Variants in KLF15 observed in about 807,000 individuals in gnomAD.
The protein encoded by KLF15 is Krueppel-like factor 15.
Under a neutral mutation model 24.6 loss-of-function variants are expected in KLF15, and 4 were observed. The observed-to-expected ratio is 0.16, with a 90% CI of 0.08 to 0.37. The LOEUF (loss-of-function observed/expected upper bound fraction) is 0.37, where lower values mean the gene tolerates loss of function less well. KLF15 is among the 10% of genes least tolerant of loss of function. The probability of loss-of-function intolerance (pLI) is 1.00; values close to 1 mark genes in which losing one functional copy is unlikely to be tolerated. For synonymous variants in KLF15, 246 were observed against 236.3 expected, an observed-to-expected ratio of 1.04 and a Z score of -0.37; for missense variants, 496 against 560.6, an observed-to-expected ratio of 0.88 and a Z score of 1.16.
the KLF15 span, among the ~76,000 whole-genome samples, chr3:126,324,806 C>CTTTTTTTTTTTTTTT: frequency 1.7e-4 from 10 of 59,578 alleles, no homozygotes; most frequent in African/African-American, 2.9e-4. Flanking sequence ...TTTTTTCGCT[C>CTTTTTTTTTTTTTTT]TTTTTTTTTT....
the KLF15 span, among the ~76,000 whole-genome samples, chr3:126,298,394 T>C: frequency 6.7e-6 from 1 of 150,272 alleles, no homozygotes; most frequent in Non-Finnish European, 1.5e-5. Context: ...TTTCTCCCAC[T>C]TTGCGGGTTG....
the KLF15 span, among the ~76,000 whole-genome samples, chr3:126,321,168 G>A: frequency 6.6e-6 from 1 of 152,164 alleles, no homozygotes; most frequent in African/African-American, 2.4e-5. Context: ...CCAGTTTGAT[G>A]TCTTCTGCAG....
At chr3:126,289,976 G>A in the KLF15 span, among the ~76,000 whole-genome samples, 2 of 152,208 alleles carry the variant, frequency 1.3e-5, no homozygotes, top group Admixed American at 1.3e-4. Context: ...AAGAAAAGGA[G>A]CATGTAGGGG....
At chr3:126,294,142 G>A in the KLF15 span, 4,624 of 152,270 alleles carry the variant, frequency 0.03, 223 homozygotes, top group African/African-American at 0.1. Flanking sequence ...TGGAAATTCC[G>A]TGGCAATGCC....
At chr3:126,355,036 G>A (rs565891009) in intron 1 of KLF15, among the ~76,000 whole-genome samples, 1 of 152,364 alleles carries the variant, frequency 6.6e-6, no homozygotes, top group East Asian at 1.9e-4. Context: ...TGCAGGCACG[G>A]CAAACGTTCG....
the KLF15 span, among the ~76,000 whole-genome samples, chr3:126,316,469 T>TGGGGAAGGGAGTCAAAGGGCCGGATG: frequency 7.5e-6 from 1 of 133,594 alleles, no homozygotes; most frequent in South Asian, 2.5e-4. Flanking sequence ...TGGGCCGGAG[T>TGGGGAAGGGAGTCAAAGGGCCGGATG]GGGGAAGGGA....
At chr3:126,301,261 A>G in the KLF15 span, among the ~76,000 whole-genome samples, 4 of 67,476 alleles carry the variant, frequency 5.9e-5, no homozygotes, top group African/African-American at 1.5e-4. Context: ...AGAGCAAAGC[A>G]GAACATCACG....
intron 2 of KLF15, among the ~76,000 whole-genome samples, chr3:126,346,960 C>T (rs1439278337): frequency 1.3e-5 from 2 of 152,188 alleles, no homozygotes; most frequent in Non-Finnish European, 2.9e-5. Context: ...TTGTACAAGG[C>T]AACCAGTAAC....
the KLF15 span, among the ~76,000 whole-genome samples, chr3:126,327,773 C>A: frequency 3.9e-5 from 6 of 152,138 alleles, no homozygotes; most frequent in African/African-American, 1.4e-4. Flanking sequence ...AATGAAAGAG[C>A]TAGTTTCTGG....
At chr3:126,323,884 G>C in the KLF15 span, among the ~76,000 whole-genome samples, 1 of 151,762 alleles carries the variant, frequency 6.6e-6, no homozygotes, top group Admixed American at 6.6e-5. Flanking sequence ...CCATGTTCCT[G>C]CAAAGGACAT....
chr3:126,350,361 G>T (rs2082573039), intron 2 of KLF15, among the ~76,000 whole-genome samples: 1 of 152,220 alleles, frequency 6.6e-6, no homozygotes, highest in African/African-American at 2.4e-5. Context: ...TCTCACAGAA[G>T]CCTCTCCGGT....
the KLF15 span, among the ~76,000 whole-genome samples, chr3:126,310,379 C>T: frequency 7.1e-4 from 108 of 152,324 alleles, no homozygotes; most frequent in African/African-American, 2.6e-3. Context: ...TTCACTCCTG[C>T]TACCGAATGA....
At chr3:126,298,599 C>T in the KLF15 span, among the ~76,000 whole-genome samples, 22 of 152,140 alleles carry the variant, frequency 1.4e-4, no homozygotes, top group South Asian at 4.2e-4. Context: ...TTTATGGTTT[C>T]GGTTCTTAGA....
chr3:126,352,973 TG>T lies in KLF15; in HGVS notation c.-25-27del, dbSNP rs774250857. The T allele has an allele frequency of 3.2e-5, 50 of 1,555,120 alleles. 2 individuals carry two copies. In the South Asian group the frequency reaches 4.7e-4, roughly 15 times the overall value. On this transcript the variant is annotated intron_variant, in intron 1 of 2. Coordinates refer to ENST00000296233, the MANE Select transcript of KLF15 (RefSeq NM_014079.4). The stretch of plus-strand genomic sequence containing the variant: ...CTGCAGGAAAGGAACACAGGAGGCC[TG>T]GTCAGAAGGACAGTGCTCACCTGCC...
rs1300815280 is a variant in KLF15 at position 126,351,818 on chromosome 3, GGCCTGTCACTC to G, written c.1082+12_1082+22del. On this transcript the variant is annotated intron_variant, in intron 2 of 2. Coordinates refer to ENST00000296233, the MANE Select transcript of KLF15 (RefSeq NM_014079.4). Reference sequence around the variant, plus strand: ...CATGAGTGGCTGTGCTCACTGCCCAGGCCTGTCACTCGCTATACTGACCTCCAGCCGCAGCC... The same window carrying G: ...CATGAGTGGCTGTGCTCACTGCCCAGGCTATACTGACCTCCAGCCGCAGCC... 1.9e-6 allele frequency: 3 copies of G among 1,598,720 alleles called. No individual in the cohort carries two copies. Among genetic ancestry groups the G allele is most frequent in the Admixed American group, 1.7e-5 (1 of 57,936 alleles).
In KLF15 at chr3:126,356,705, G is replaced by C. The variant is rs2107561042; in HGVS notation, c.-26+532C>G. The stretch of plus-strand genomic sequence containing the variant: ...AGCCGCCGTGGGTGCCGGCGGGTGA[G>C]GGGAAACGTGCGTGGGAAATGAAGA... On this transcript the variant is annotated intron_variant, in intron 1 of 2. Transcript: ENST00000296233. The surrounding 1 kb of genome is among the most constrained non-coding windows in gnomAD (Gnocchi z 4.4). Among the ~76,000 whole-genome samples, 1 of 152,224 alleles carries C rather than the reference G, an allele frequency of 6.6e-6. No individual in the cohort carries two copies. Among genetic ancestry groups the C allele is most frequent in the African/African-American group, 2.4e-5 (1 of 41,564 alleles).
At position 126,356,687 on chromosome 3, in the gene KLF15, G is replaced by A. The variant is rs2082634803; in HGVS notation, c.-26+550C>T. Among the ~76,000 whole-genome samples the A allele has an allele frequency of 6.6e-6, 1 of 152,112 alleles. No individual in the cohort carries two copies. The highest frequency in any genetic ancestry group is 6.5e-5 in the Admixed American group (1 of 15,288). On this transcript the variant is annotated intron_variant, in intron 1 of 2. Transcript: ENST00000296233. The surrounding 1 kb of genome is among the most constrained non-coding windows in gnomAD (Gnocchi z 4.4). ...CGAAGGACTCGCGCGTGGAGCCGCCGTGGGTGCCGGCGGGTGAGGGGAAAC... is the reference window on the plus strand; with the variant it reads ...CGAAGGACTCGCGCGTGGAGCCGCCATGGGTGCCGGCGGGTGAGGGGAAAC...
chr3:126,293,107 C>T, the KLF15 span, among the ~76,000 whole-genome samples: 1 of 138,610 alleles, frequency 7.2e-6, no homozygotes, highest in African/African-American at 2.7e-5. Flanking sequence ...CCCAGGAGTT[C>T]AAGACCAGCC....
At chr3:126,292,351 T>G in the KLF15 span, among the ~76,000 whole-genome samples, 1 of 152,182 alleles carries the variant, frequency 6.6e-6, no homozygotes, top group Non-Finnish European at 1.5e-5. Context: ...GCCAACAGTT[T>G]CTATTGCTAT....
Sources: allele counts gnomAD v4.1 joint callset (sites outside exome capture counted in the v4.1 genomes callset), GRCh38; gene constraint gnomAD v4.1.1; non-coding constraint Gnocchi (gnomAD v3.1); transcripts MANE v1.5; gene names NCBI Gene and HGNC (gene_info 2026-07-23, HGNC 2026-07-21).